The following SAMD4A variants were observed in gnomAD, a reference collection of about 807,000 sequenced individuals.
SAMD4A encodes sterile alpha motif domain containing 4A, also known as protein Smaug homolog 1.
A neutral mutation model predicts 81.3 loss-of-function variants in SAMD4A; 33 were observed. The observed-to-expected ratio is 0.41, with a 90% CI of 0.31 to 0.54. The LOEUF is 0.54. SAMD4A is among the 20% of genes least tolerant of loss of function. The probability of loss-of-function intolerance (pLI) is 0.37; values close to 1 mark genes in which losing one functional copy is unlikely to be tolerated. For missense variants in SAMD4A, 854 were observed against 951.1 expected, an observed-to-expected ratio of 0.90 and a Z score of 1.34; for synonymous variants, 389 against 382.1, an observed-to-expected ratio of 1.02 and a Z score of -0.21.
In SAMD4A at chr14:54,793,135, G is replaced by A. The variant is rs1001454069; in HGVS notation, c.*4191G>A. ...AGATATACTAATGTTTGAAGATGCT[G>A]TTCTTTGCAAGTGTACAGTTTTCAA... On this transcript the variant is annotated 3_prime_UTR_variant, in exon 13 of 13. Transcript: ENST00000554335. The A allele has an allele frequency of 3.3e-5, 5 of 152,236 alleles. No homozygotes were observed. Among genetic ancestry groups the A allele is most frequent in the African/African-American group, 1.2e-4 (5 of 41,464 alleles). The allele number at this position is 152,236 out of a possible 1,614,324, so 9.4% of individuals were successfully genotyped here. A position where few individuals can be genotyped will look rare whatever the true frequency, so the allele number is the denominator to read the frequency against.
intron 2 of SAMD4A, among the ~76,000 whole-genome samples, chr14:54,682,648 C>T (rs1388484624): frequency 2.0e-5 from 3 of 152,186 alleles, no homozygotes; most frequent in African/African-American, 2.4e-5. Flanking sequence ...AGCACATAAT[C>T]AAGTCTCCAA....
chr14:54,683,372 A>T (rs1187429325), intron 2 of SAMD4A, among the ~76,000 whole-genome samples: 2 of 152,184 alleles, frequency 1.3e-5, no homozygotes, highest in Non-Finnish European at 2.9e-5. Context: ...GATTTCTAAG[A>T]TCATGACTAA....
At chr14:54,645,564 A>G (rs1473997578) in intron 2 of SAMD4A, among the ~76,000 whole-genome samples, 3 of 152,232 alleles carry the variant, frequency 2.0e-5, no homozygotes, top group Non-Finnish European at 4.4e-5. Context: ...AAATTTATGC[A>G]TATTGAATTT....
intron 6 of SAMD4A, chr14:54,754,805 G>A (rs2038196699): frequency 1.0e-6 from 1 of 987,674 alleles, no homozygotes; most frequent in Admixed American, 6.1e-5. Context: ...GTGGCTGTCT[G>A]AGTTCTGTGT....
intron 2 of SAMD4A, among the ~76,000 whole-genome samples, chr14:54,625,443 G>A (rs59485236): frequency 2.6e-5 from 4 of 152,202 alleles, no homozygotes; most frequent in East Asian, 1.9e-4. Flanking sequence ...TGAGCTGCCC[G>A]AAAGTTCAGC....
At chr14:54,749,460 T>C (rs770697849) in intron 5 of SAMD4A, among the ~76,000 whole-genome samples, 1 of 152,214 alleles carries the variant, frequency 6.6e-6, no homozygotes, top group African/African-American at 2.4e-5. Flanking sequence ...TAAAAAGTCA[T>C]GTTCAGGCCA....
chr14:54,710,267 T>C (rs138843918), intron 3 of SAMD4A, among the ~76,000 whole-genome samples: 1 of 152,284 alleles, frequency 6.6e-6, no homozygotes, highest in East Asian at 1.9e-4. Flanking sequence ...ATGTGTTTGG[T>C]ACCATAGAAG....
intron 2 of SAMD4A, among the ~76,000 whole-genome samples, chr14:54,659,408 G>GCA (rs1326990306): frequency 1.7e-4 from 26 of 152,206 alleles, no homozygotes; most frequent in South Asian, 1.2e-3. Context: ...GTGTGCGTGC[G>GCA]CACGCACACA....
At chr14:54,668,346 C>T (rs920851812) in intron 2 of SAMD4A, among the ~76,000 whole-genome samples, 1 of 152,172 alleles carries the variant, frequency 6.6e-6, no homozygotes, top group Non-Finnish European at 1.5e-5. Context: ...CATTTCTCTC[C>T]CCTTGGAGTT....
intron 2 of SAMD4A, among the ~76,000 whole-genome samples, chr14:54,673,064 G>A (rs1334734518): frequency 6.6e-6 from 1 of 152,232 alleles, no homozygotes; most frequent in East Asian, 1.9e-4. Context: ...ATTTGTAAAT[G>A]ATGGGAAGTA....
intron 4 of SAMD4A, among the ~76,000 whole-genome samples, chr14:54,748,563 A>G (rs918982141): frequency 1.2e-4 from 19 of 152,094 alleles, no homozygotes; most frequent in Non-Finnish European, 2.2e-4. Flanking sequence ...AATGCCCTGA[A>G]GCTCATGGAC....
At chr14:54,776,926 A>C (rs2139946541) in intron 11 of SAMD4A, among the ~76,000 whole-genome samples, 1 of 152,192 alleles carries the variant, frequency 6.6e-6, no homozygotes, top group East Asian at 1.9e-4. Flanking sequence ...AAAACTGTTG[A>C]TGCTGAGACC....
intron 2 of SAMD4A, chr14:54,693,223 T>C (rs915420994): frequency 1.1e-4 from 17 of 152,144 alleles, no homozygotes; most frequent in Non-Finnish European, 2.1e-4. Flanking sequence ...CTAAAAATAA[T>C]CAGAATACAA....
chr14:54,779,868 C>T (rs1052034068), intron 11 of SAMD4A, among the ~76,000 whole-genome samples: 2 of 152,116 alleles, frequency 1.3e-5, no homozygotes, highest in African/African-American at 4.8e-5. Context: ...AGGTGTAATA[C>T]GCTCACCAGA....
At chr14:54,666,795 G>T (rs1450836521) in intron 2 of SAMD4A, among the ~76,000 whole-genome samples, 2 of 152,052 alleles carry the variant, frequency 1.3e-5, no homozygotes, top group East Asian at 3.9e-4. Flanking sequence ...ATTACCATAA[G>T]CCTATAGACA....
rs1409529813 is a variant in SAMD4A at position 54,784,557 on chromosome 14, G to A, written c.2065G>A (p.Glu689Lys). The change falls in exon 12 of 13, where the codon GAA (glutamate) becomes AAA (lysine). Residue 689 changes from glutamate (E) to lysine (K), a missense_variant. Transcript: ENST00000554335. ...TGCAGAATTCCAGCTTCCCGTGACC[G>A]AACCTGACATCAACAACAGGCTGGA... is the stretch of plus-strand genomic sequence containing the variant. Reference protein sequence around the residue: ...QQPEFQLPVTEPDINNRLESL... With the variant: ...QQPEFQLPVTKPDINNRLESL... 3.1e-6 allele frequency: 5 copies of A among 1,614,010 alleles called. No homozygotes were observed. Among genetic ancestry groups the A allele is most frequent in the Non-Finnish European group, 4.2e-6 (5 of 1,180,028 alleles).
intron 4 of SAMD4A, among the ~76,000 whole-genome samples, chr14:54,747,585 T>C (rs982073745): frequency 1.3e-5 from 2 of 152,250 alleles, no homozygotes; most frequent in Non-Finnish European, 1.5e-5. Context: ...ATCGACATGA[T>C]TGGTAATAGA....
chr14:54,715,743 A>G (rs576659416), intron 3 of SAMD4A, among the ~76,000 whole-genome samples: 8 of 152,292 alleles, frequency 5.3e-5, no homozygotes, highest in African/African-American at 1.9e-4. Context: ...AAAAAGCAAA[A>G]TGATTCAGCC....
intron 3 of SAMD4A, among the ~76,000 whole-genome samples, chr14:54,720,293 C>T (rs1410975079): frequency 1.3e-5 from 2 of 152,142 alleles, no homozygotes; most frequent in Non-Finnish European, 2.9e-5. Context: ...TTCTCTTCTG[C>T]TCCCAATATT....
Sources: gnomAD v4.1 joint callset for allele counts (sites outside exome capture counted in the v4.1 genomes callset) on GRCh38, gnomAD v4.1.1 for gene constraint, MANE v1.5 for transcripts, NCBI Gene and HGNC (gene_info 2026-07-23, HGNC 2026-07-21) for gene names.